Variants in APLP2 observed in about 807,000 individuals in gnomAD.
The protein encoded by APLP2 is CDEI box-binding protein.
APLP2 carries 53 observed loss-of-function variants against 89.9 expected under a neutral mutation model. The observed-to-expected ratio is 0.59, with a 90% CI of 0.47 to 0.74. APLP2 has a LOEUF of 0.74. Among genes scored for constraint, APLP2 ranks in the 30% least tolerant of loss-of-function variants. The pLI, the probability that APLP2 is intolerant of heterozygous loss-of-function variation, is 0.00. For missense variants in APLP2, 973 were observed against 975.9 expected (o/e 1.00, Z 0.04); for synonymous variants, 372 against 348.6 (o/e 1.07, Z -0.75).
chr11:130,129,213 C>A lies in APLP2; in HGVS notation c.1455+7C>A. On this transcript the variant is annotated splice_region_variant and intron_variant, in intron 10 of 16. Coordinates refer to ENST00000338167, the MANE Select transcript of APLP2 (RefSeq NM_001142276.2). Reference sequence around the variant, plus strand: ...GCAGTCTGACCCGCCACGGGTGAGTCCTGCCCCTAGCACTGCCTGCCCTGA... The same window carrying A: ...GCAGTCTGACCCGCCACGGGTGAGTACTGCCCCTAGCACTGCCTGCCCTGA... 6.2e-7 allele frequency: 1 copy of A among 1,611,366 alleles called. No individual in the cohort carries two copies. Among genetic ancestry groups the A allele is most frequent in the Non-Finnish European group, 8.5e-7 (1 of 1,178,406 alleles).
chr11:130,097,832 A>G (rs553189801), intron 1 of APLP2, among the ~76,000 whole-genome samples: 4 of 152,362 alleles, frequency 2.6e-5, no homozygotes, highest in South Asian at 4.1e-4. Context: ...AAAAGCAGCT[A>G]CCTGTTGATT....
At chr11:130,090,778 G>A (rs1363634393) in intron 1 of APLP2, among the ~76,000 whole-genome samples, 1 of 152,216 alleles carries the variant, frequency 6.6e-6, no homozygotes, top group Admixed American at 6.5e-5. Flanking sequence ...GAGCCGTTGG[G>A]CACACCTCCC....
intron 3 of APLP2, 65 bp downstream of exon 3, chr11:130,110,726 TTGGCTCACAGTGAAATA>T: frequency 6.6e-7 from 1 of 1,510,204 alleles, no homozygotes; most frequent in Non-Finnish European, 8.9e-7. Flanking sequence ...TAATTTTCTC[TTGGCTCACAGTGAAATA>T]TTTACACCTG....
chr11:130,103,152 G>A (rs1343849976), intron 1 of APLP2, among the ~76,000 whole-genome samples: 1 of 152,138 alleles, frequency 6.6e-6, no homozygotes, highest in African/African-American at 2.4e-5. Flanking sequence ...TTAAGGAAAT[G>A]GACAGCACAT....
At chr11:130,102,040 T>C in intron 1 of APLP2, 1 of 451,998 alleles carries the variant, frequency 2.2e-6, no homozygotes, top group South Asian at 1.6e-5. Flanking sequence ...AAGTAATTGT[T>C]TTCCCTTTTG....
intron 1 of APLP2, among the ~76,000 whole-genome samples, chr11:130,104,700 A>AT (rs1276897653): frequency 6.6e-6 from 1 of 152,130 alleles, no homozygotes; most frequent in Admixed American, 6.5e-5. Context: ...AACTCATATT[A>AT]GTCTGTAGCT....
chr11:130,118,349 G>A lies in APLP2; in HGVS notation c.404-2357G>A, dbSNP rs144514029. On this transcript the variant is annotated intron_variant, in intron 3 of 16. Coordinates refer to ENST00000338167, the MANE Select transcript of APLP2 (RefSeq NM_001142276.2). Reference sequence around the variant, plus strand: ...TTTATTTTAAACAACAAACCCACATGTGGAACAATAGTTTCTGTTCTAAGC... The same window carrying A: ...TTTATTTTAAACAACAAACCCACATATGGAACAATAGTTTCTGTTCTAAGC... Among the ~76,000 whole-genome samples, 378 of 152,296 alleles carry A rather than the reference G, an allele frequency of 2.5e-3. 2 individuals carry two copies. The highest frequency in any genetic ancestry group is 8.6e-3 in the African/African-American group (359 of 41,552).
chr11:130,113,712 C>A (rs1433579993), intron 3 of APLP2, among the ~76,000 whole-genome samples: 2 of 150,788 alleles, frequency 1.3e-5, no homozygotes, highest in Non-Finnish European at 2.9e-5. Flanking sequence ...TAATGGCCAC[C>A]ACCTTTTCCC....
At chr11:130,081,404 A>G (rs1943129537) in intron 1 of APLP2, among the ~76,000 whole-genome samples, 1 of 152,248 alleles carries the variant, frequency 6.6e-6, no homozygotes, top group Admixed American at 6.5e-5. Context: ...GGATATTTGC[A>G]GTAGTATTGA....
intron 1 of APLP2, among the ~76,000 whole-genome samples, chr11:130,090,571 G>T (rs1190821722): frequency 1.1e-4 from 17 of 151,930 alleles, no homozygotes; most frequent in Admixed American, 1.1e-3. Flanking sequence ...AGGGAGCACA[G>T]GGTTGGGGGT....
intron 13 of APLP2, chr11:130,137,210 T>C (rs746053647): frequency 1.3e-6 from 2 of 1,567,144 alleles, no homozygotes; most frequent in Non-Finnish European, 1.8e-6. Context: ...TTTAATCTCC[T>C]TTTGTGCTAT....
intron 1 of APLP2, among the ~76,000 whole-genome samples, chr11:130,073,670 G>A (rs958436031): frequency 1.3e-5 from 2 of 152,044 alleles, no homozygotes; most frequent in African/African-American, 2.4e-5. Context: ...GTGAAACTCC[G>A]TCTCTACTAA....
intron 1 of APLP2, among the ~76,000 whole-genome samples, chr11:130,078,815 CTTTG>C (rs1239190957): frequency 6.6e-6 from 1 of 151,954 alleles, no homozygotes. Flanking sequence ...CCATTGTTCT[CTTTG>C]TTTATCCTTG....
At chr11:130,140,753 A>C (rs938227152) in intron 14 of APLP2, 4 of 243,140 alleles carry the variant, frequency 1.6e-5, no homozygotes, top group Admixed American at 5.3e-5. Context: ...AACCTGTTAG[A>C]GGCCATTTTC....
intron 1 of APLP2, among the ~76,000 whole-genome samples, chr11:130,081,600 A>G (rs2135413069): frequency 6.6e-6 from 1 of 152,316 alleles, no homozygotes; most frequent in South Asian, 2.1e-4. Context: ...AATGCCTATA[A>G]AATGCTGGAA....
rs1173075566 is a variant in APLP2 at position 130,130,119 on chromosome 11, C to T, written c.1537C>T (p.His513Tyr). 2.5e-6 allele frequency: 4 copies of T among 1,614,244 alleles called. No homozygotes were observed. Among genetic ancestry groups the T allele is most frequent in the Non-Finnish European group, 3.4e-6 (4 of 1,180,032 alleles). The change falls in exon 11 of 17, where the codon CAT becomes TAT. Residue 513 changes from histidine to tyrosine, a missense_variant. Transcript: ENST00000338167. ...CTTACATACCATCCGTCATTACCAG[C>T]ATGTGTTGGCTGTTGACCCAGAAAA... is the stretch of plus-strand genomic sequence containing the variant. ...DRLHTIRHYQ[H>Y]VLAVDPEKAA... is the part of the protein sequence containing the mutation.
chr11:130,085,930 GTTCA>G (rs1944044001), intron 1 of APLP2, among the ~76,000 whole-genome samples: 3 of 152,090 alleles, frequency 2.0e-5, no homozygotes, highest in South Asian at 2.1e-4. Context: ...ACCACATTTT[GTTCA>G]TTCATCTGTT....
In APLP2 at chr11:130,143,548, C is replaced by A; in HGVS notation, c.*100C>A. 1 of 965,572 alleles carries A rather than the reference C, an allele frequency of 1.0e-6. No homozygotes were observed. The highest frequency in any genetic ancestry group is 1.6e-6 in the Non-Finnish European group (1 of 606,124). The allele number at this position is 965,572 out of a possible 1,614,324, so 59.8% of individuals were successfully genotyped here. A position where few individuals can be genotyped will look rare whatever the true frequency, so the allele number is the denominator to read the frequency against. ...AAGCAGCAGCCGCTGCCAGGGGCTGCGTCTGACATCCTGACCTCCTGGACT... is the reference window on the plus strand; with the variant it reads ...AAGCAGCAGCCGCTGCCAGGGGCTGAGTCTGACATCCTGACCTCCTGGACT... On this transcript the variant is annotated 3_prime_UTR_variant, in exon 17 of 17. Transcript: ENST00000338167.
chr11:130,083,022 T>G (rs994786163), intron 1 of APLP2, among the ~76,000 whole-genome samples: 3 of 133,348 alleles, frequency 2.2e-5, no homozygotes, highest in Non-Finnish European at 4.6e-5. Context: ...GAAACTTTTC[T>G]TTTCTTTTTT....
Sources: allele counts gnomAD v4.1 joint callset (sites outside exome capture counted in the v4.1 genomes callset), GRCh38; gene constraint gnomAD v4.1.1; transcripts MANE v1.5; gene names NCBI Gene and HGNC (gene_info 2026-07-23, HGNC 2026-07-21).